Variants in SSBP2 observed in about 807,000 individuals in gnomAD.
SSBP2 encodes the protein single-stranded DNA-binding protein 2.
SSBP2 carries 17 observed loss-of-function variants against 61.8 expected under a neutral mutation model. The observed-to-expected ratio is 0.28, with a 90% CI of 0.19 to 0.41. SSBP2 has a LOEUF of 0.41. SSBP2 is among the 10% of genes least tolerant of loss of function. The pLI is 1.00. For synonymous variants in SSBP2, 139 were observed against 141.3 expected, an observed-to-expected ratio of 0.98 and a Z score of 0.12; for missense variants, 310 against 458.7, an observed-to-expected ratio of 0.68 and a Z score of 2.96.
At chr5:81,654,195 A>G (rs1447291539) in intron 1 of SSBP2, among the ~76,000 whole-genome samples, 1 of 151,812 alleles carries the variant, frequency 6.6e-6, no homozygotes, top group Admixed American at 6.6e-5. Flanking sequence ...GAACTCCTGA[A>G]CTCAAGAGAT....
Position 81,592,554 on chromosome 5 carries a change from C to A in SSBP2, c.282+22919G>T, listed in dbSNP as rs185591841. On this transcript the variant is annotated intron_variant, in intron 4 of 16. Transcript: ENST00000320672. The stretch of plus-strand genomic sequence containing the variant: ...GGGCAGACTGCCTCCTCAAGTGGGT[C>A]CCTGACCCCTGAGTAGCCTAAGTGG... Among the ~76,000 whole-genome samples the A allele has an allele frequency of 5.8e-4, 89 of 152,312 alleles. 2 individuals are homozygous for A. The East Asian group carries it at 0.016, about 28-fold the overall frequency.
chr5:81,551,573 A>C lies in SSBP2; in HGVS notation c.283-37856T>G, dbSNP rs548438766. On this transcript the variant is annotated intron_variant, in intron 4 of 16. Coordinates refer to ENST00000320672, the MANE Select transcript of SSBP2 (RefSeq NM_012446.5). Reference sequence around the variant, plus strand: ...TTCCAGGCGGCAATTTTCCACTTGCATTCTGTTATTTATTAAAATAAAAGT... The same window carrying C: ...TTCCAGGCGGCAATTTTCCACTTGCCTTCTGTTATTTATTAAAATAAAAGT... Among the ~76,000 whole-genome samples, 3 of 152,266 alleles carry C rather than the reference A, an allele frequency of 2.0e-5. No individual in the cohort carries two copies. In the South Asian group the frequency reaches 6.2e-4, roughly 32 times the overall value.
chr5:81,743,998 C>T (rs34007998), intron 1 of SSBP2, among the ~76,000 whole-genome samples: 53,623 of 152,072 alleles, frequency 0.35, 11,656 homozygotes, highest in Admixed American at 0.49. Flanking sequence ...TTTCTGTCTC[C>T]TGTTTTGATA....
At chr5:81,668,369 A>G (rs1751337628) in intron 1 of SSBP2, among the ~76,000 whole-genome samples, 1 of 152,050 alleles carries the variant, frequency 6.6e-6, no homozygotes, top group South Asian at 2.1e-4. Context: ...ACGAATAGCC[A>G]AAACACAGTT....
chr5:81,468,531 T>C (rs778528353), intron 8 of SSBP2, among the ~76,000 whole-genome samples: 9 of 152,000 alleles, frequency 5.9e-5, no homozygotes, highest in Non-Finnish European at 1.0e-4. Context: ...CTATCTTTCC[T>C]GTCCTCATTT....
chr5:81,663,410 T>C (rs1020032491), intron 1 of SSBP2, among the ~76,000 whole-genome samples: 3 of 152,178 alleles, frequency 2.0e-5, no homozygotes, highest in African/African-American at 7.2e-5. Context: ...AAAGTAGATA[T>C]GACTTTGTAT....
chr5:81,623,455 C>T (rs182663886), intron 3 of SSBP2, among the ~76,000 whole-genome samples: 1 of 151,644 alleles, frequency 6.6e-6, no homozygotes, highest in African/African-American at 2.4e-5. Context: ...CCTGCCTCAG[C>T]CTCCCGAGTA....
intron 3 of SSBP2, among the ~76,000 whole-genome samples, chr5:81,629,830 T>C (rs994409772): frequency 1.3e-5 from 2 of 152,228 alleles, no homozygotes; most frequent in African/African-American, 4.8e-5. Flanking sequence ...CCTCACATAG[T>C]ACCTTTTGTG....
At position 81,636,540 on chromosome 5, in the gene SSBP2, G is replaced by A. The variant is rs1277048263; in HGVS notation, c.197+17C>T. 1 of 1,600,708 alleles carries A rather than the reference G, an allele frequency of 6.2e-7. No homozygotes were observed. The highest frequency in any genetic ancestry group is 8.5e-7 in the Non-Finnish European group (1 of 1,171,384). ...ATGCATCATCAAGCCAGTAAAAATGGAATAAAGGATACTTACCACCACCAA... is the reference window on the plus strand; with the variant it reads ...ATGCATCATCAAGCCAGTAAAAATGAAATAAAGGATACTTACCACCACCAA... On this transcript the variant is annotated intron_variant, in intron 3 of 16. Coordinates refer to ENST00000320672, the MANE Select transcript of SSBP2 (RefSeq NM_012446.5).
chr5:81,470,158 A>G (rs1239323525), intron 8 of SSBP2, among the ~76,000 whole-genome samples: 1 of 151,910 alleles, frequency 6.6e-6, no homozygotes, highest in Non-Finnish European at 1.5e-5. Context: ...CTATTTGTAT[A>G]TAACTTCTTT....
intron 4 of SSBP2, among the ~76,000 whole-genome samples, chr5:81,534,229 T>A (rs1770636449): frequency 6.6e-6 from 1 of 151,986 alleles, no homozygotes; most frequent in Non-Finnish European, 1.5e-5. Flanking sequence ...ACATTTCCCC[T>A]CTCTTCACAA....
intron 2 of SSBP2, among the ~76,000 whole-genome samples, chr5:81,642,253 A>G (rs1748856392): frequency 6.6e-6 from 1 of 152,100 alleles, no homozygotes; most frequent in African/African-American, 2.4e-5. Flanking sequence ...TGCCAATAAC[A>G]TTTTCTCTTT....
intron 1 of SSBP2, among the ~76,000 whole-genome samples, chr5:81,728,294 G>A (rs1307627736): frequency 6.6e-6 from 1 of 152,018 alleles, no homozygotes; most frequent in Non-Finnish European, 1.5e-5. Context: ...AAACAAAAAC[G>A]GCGACAATAC....
intron 12 of SSBP2, among the ~76,000 whole-genome samples, chr5:81,443,602 G>A (rs1282962790): frequency 2.0e-5 from 3 of 151,930 alleles, no homozygotes; most frequent in Middle Eastern, 3.4e-3. Context: ...TTGCTCTATC[G>A]CCCAGGCTGG....
chr5:81,646,611 CTTTTT>C (rs56787398), intron 2 of SSBP2, among the ~76,000 whole-genome samples: 2 of 131,956 alleles, frequency 1.5e-5, no homozygotes, highest in African/African-American at 2.8e-5. Flanking sequence ...TTACATTCTC[CTTTTT>C]TTTTTTTTTT....
At chr5:81,687,295 A>T (rs1276256412) in intron 1 of SSBP2, among the ~76,000 whole-genome samples, 1 of 152,234 alleles carries the variant, frequency 6.6e-6, no homozygotes, top group African/African-American at 2.4e-5. Context: ...TGGAGGGAGC[A>T]TATAGACCAG....
chr5:81,509,032 A>T (rs1198275131), intron 5 of SSBP2, among the ~76,000 whole-genome samples: 7 of 152,212 alleles, frequency 4.6e-5, no homozygotes, highest in Non-Finnish European at 1.0e-4. Context: ...AGGCAATAGG[A>T]GGTAACCACC....
At chr5:81,554,163 G>A (rs1337852567) in intron 4 of SSBP2, among the ~76,000 whole-genome samples, 1 of 151,982 alleles carries the variant, frequency 6.6e-6, no homozygotes, top group Non-Finnish European at 1.5e-5. Context: ...AGATCCATTA[G>A]GACATCTGAC....
intron 4 of SSBP2, among the ~76,000 whole-genome samples, chr5:81,519,630 CACAA>C (rs1345783471): frequency 2.4e-4 from 36 of 152,134 alleles, no homozygotes; most frequent in African/African-American, 8.4e-4. Context: ...TTGTCTGGAA[CACAA>C]ATGTTTCAGA....
Sources: gnomAD v4.1 joint callset for allele counts (sites outside exome capture counted in the v4.1 genomes callset) on GRCh38, gnomAD v4.1.1 for gene constraint, MANE v1.5 for transcripts, NCBI Gene and HGNC (gene_info 2026-07-23, HGNC 2026-07-21) for gene names.